PTPRO: variants seen among roughly 807,000 people sequenced by gnomAD.
The protein encoded by PTPRO is receptor-type tyrosine-protein phosphatase O.
In PTPRO, 62 loss-of-function variants were observed where a neutral mutation model predicts 145.2. The ratio of observed to expected loss-of-function variants is 0.43; its 90% CI spans 0.35 to 0.53. The LOEUF (loss-of-function observed/expected upper bound fraction) is 0.53. Among genes scored for constraint, PTPRO ranks in the 20% least tolerant of loss-of-function variants. The pLI is 0.01. For missense variants in PTPRO, 1,345 were observed against 1,482.7 expected, an observed-to-expected ratio of 0.91 and a Z score of 1.53; for synonymous variants, 565 against 514.7, an observed-to-expected ratio of 1.10 and a Z score of -1.32.
intron 1 of PTPRO, among the ~76,000 whole-genome samples, chr12:15,361,438 C>CAAAA (rs71042244): frequency 7.6e-4 from 53 of 69,580 alleles, no homozygotes; most frequent in Non-Finnish European, 9.7e-4. Flanking sequence ...GACTCAGTCT[C>CAAAA]AAAAAAAAAA....
chr12:15,400,909 G>A (rs1939475092), intron 1 of PTPRO, among the ~76,000 whole-genome samples: 1 of 152,158 alleles, frequency 6.6e-6, no homozygotes, highest in African/African-American at 2.4e-5. Context: ...AGCACGAATT[G>A]TTGCTTATGG....
intron 1 of PTPRO, among the ~76,000 whole-genome samples, chr12:15,405,949 T>A (rs1038638252): frequency 1.3e-5 from 2 of 152,336 alleles, no homozygotes; most frequent in Admixed American, 1.3e-4. Context: ...CAAGTGCACA[T>A]TTAAATATTT....
At chr12:15,385,397 C>T (rs773532589) in intron 1 of PTPRO, among the ~76,000 whole-genome samples, 23 of 152,052 alleles carry the variant, frequency 1.5e-4, no homozygotes, top group Non-Finnish European at 2.2e-4. Flanking sequence ...AGCAGGAAAT[C>T]GGACTGGAGA....
chr12:15,502,167 A>T lies in PTPRO; in HGVS notation c.1105+104A>T. On this transcript the variant is annotated intron_variant, in intron 5 of 26. Coordinates refer to ENST00000281171, the MANE Select transcript of PTPRO (RefSeq NM_030667.3). ...GAAAGACTGATCATAGACAGTTATT[A>T]GTCAAAGAATAATGGTAATGAAAGG... is the stretch of plus-strand genomic sequence containing the variant. The T allele has an allele frequency of 2.6e-6, 3 of 1,159,916 alleles. No homozygotes were observed. The East Asian group carries it at 7.2e-5, about 28-fold the overall frequency. The allele number at this position is 1,159,916 out of a possible 1,614,324, so 71.9% of individuals were successfully genotyped here.
At chr12:15,413,296 C>T (rs1366286344) in intron 1 of PTPRO, among the ~76,000 whole-genome samples, 1 of 152,090 alleles carries the variant, frequency 6.6e-6, no homozygotes, top group African/African-American at 2.4e-5. Context: ...GGGGTTTCAC[C>T]ATGTTGCTCA....
intron 1 of PTPRO, among the ~76,000 whole-genome samples, chr12:15,423,823 C>G (rs529041402): frequency 2.2e-4 from 34 of 152,292 alleles, no homozygotes; most frequent in African/African-American, 8.2e-4. Context: ...TTCCCTACTC[C>G]ACTTAGATGA....
chr12:15,515,613 C>T lies in PTPRO; in HGVS notation c.1580C>T (p.Ala527Val). 2 of 1,613,948 alleles carry T rather than the reference C, an allele frequency of 1.2e-6. No homozygotes were observed. The highest frequency in any genetic ancestry group is 1.7e-6 in the Non-Finnish European group (2 of 1,179,954). The change falls in exon 8 of 27, where the codon GCT (alanine) becomes GTT (valine). Residue 527 changes from alanine to valine, a missense_variant. By Grantham distance (64) the Ala-to-Val change is moderately conservative. Coordinates refer to ENST00000281171, the MANE Select transcript of PTPRO (RefSeq NM_030667.3). Reference protein sequence around the residue: ...IGPPSDPVTFAIVPTGIKDLM... With the variant: ...IGPPSDPVTFVIVPTGIKDLM... ...CCACCTTCAGATCCTGTGACATTTG[C>T]TATTGGTAAGTTGCTAGCCACAAGA...
At chr12:15,536,953 A>G (rs1225089531) in intron 12 of PTPRO, among the ~76,000 whole-genome samples, 2 of 152,214 alleles carry the variant, frequency 1.3e-5, no homozygotes, top group African/African-American at 2.4e-5. Flanking sequence ...GTCAGATTCA[A>G]AATTTATTTT....
chr12:15,518,153 T>A (rs1250748970), intron 9 of PTPRO, among the ~76,000 whole-genome samples: 1 of 152,236 alleles, frequency 6.6e-6, no homozygotes, highest in African/African-American at 2.4e-5. Flanking sequence ...TTGACTCCTG[T>A]GCACCCACAG....
intron 1 of PTPRO, among the ~76,000 whole-genome samples, chr12:15,360,734 AAC>A (rs1012100570): frequency 2.1e-5 from 3 of 141,792 alleles, no homozygotes; most frequent in Non-Finnish European, 4.6e-5. Flanking sequence ...TATAAGTTAA[AAC>A]ACACACACTA....
chr12:15,346,419 T>C (rs1299929859), intron 1 of PTPRO: 1 of 152,236 alleles, frequency 6.6e-6, no homozygotes, highest in African/African-American at 2.4e-5. Context: ...ATCATCTTTA[T>C]ATGTGGATAT....
rs565326486 is a variant in PTPRO at position 15,537,238 on chromosome 12, G to T, written c.2165-9331G>T. On this transcript the variant is annotated intron_variant, in intron 12 of 26. Coordinates refer to ENST00000281171, the MANE Select transcript of PTPRO (RefSeq NM_030667.3). Reference sequence around the variant, plus strand: ...GAGCTTGGATTCAGTGAAGACTTCAGGACTAAAAATATAAATTTGAGTGTA... The same window carrying T: ...GAGCTTGGATTCAGTGAAGACTTCATGACTAAAAATATAAATTTGAGTGTA... 3.1e-3 allele frequency among the ~76,000 whole-genome samples: 479 copies of T among 152,212 alleles called. 3 individuals carry two copies. Among genetic ancestry groups the T allele is most frequent in the African/African-American group, 0.011 (462 of 41,518 alleles).
intron 1 of PTPRO, among the ~76,000 whole-genome samples, chr12:15,435,506 C>T (rs1940569927): frequency 6.6e-6 from 1 of 151,650 alleles, no homozygotes; most frequent in Non-Finnish European, 1.5e-5. Flanking sequence ...GTTCTTTTGG[C>T]ATTTGGGCTA....
chr12:15,422,180 C>G (rs1479452131), intron 1 of PTPRO, among the ~76,000 whole-genome samples: 1 of 152,038 alleles, frequency 6.6e-6, no homozygotes, highest in African/African-American at 2.4e-5. Context: ...AATTTTTTGA[C>G]TGTAATTCAT....
chr12:15,521,420 G>A (rs1409484367), intron 10 of PTPRO, among the ~76,000 whole-genome samples: 1 of 152,168 alleles, frequency 6.6e-6, no homozygotes, highest in African/African-American at 2.4e-5. Flanking sequence ...AGCGCTGTTA[G>A]TCTTTTGCCT....
intron 1 of PTPRO, among the ~76,000 whole-genome samples, chr12:15,446,371 CAA>C (rs554088992): frequency 2.7e-3 from 412 of 152,142 alleles, no homozygotes; most frequent in Non-Finnish European, 4.1e-3. Context: ...GCCCTGTCCA[CAA>C]AAGAGATGGA....
At chr12:15,368,566 A>C (rs1011531153) in intron 1 of PTPRO, among the ~76,000 whole-genome samples, 4 of 152,190 alleles carry the variant, frequency 2.6e-5, no homozygotes, top group African/African-American at 9.6e-5. Flanking sequence ...CACAGTCCCA[A>C]GTAGAACTCA....
intron 1 of PTPRO, among the ~76,000 whole-genome samples, chr12:15,436,296 T>C (rs1461320039): frequency 1.3e-5 from 2 of 151,976 alleles, no homozygotes; most frequent in African/African-American, 2.4e-5. Flanking sequence ...CTGAAGGAAA[T>C]AGAGACACAG....
At chr12:15,465,258 A>G (rs2136404284) in intron 1 of PTPRO, among the ~76,000 whole-genome samples, 1 of 152,368 alleles carries the variant, frequency 6.6e-6, no homozygotes, top group South Asian at 2.1e-4. Context: ...AAATAGCATC[A>G]GTGCTGGCTG....
Sources: gnomAD v4.1 joint callset for allele counts (sites outside exome capture counted in the v4.1 genomes callset) on GRCh38, gnomAD v4.1.1 for gene constraint, MANE v1.5 for transcripts, NCBI Gene and HGNC (gene_info 2026-07-23, HGNC 2026-07-21) for gene names.